The following CHL1 variants were observed in gnomAD, a reference collection of about 807,000 sequenced individuals.
The protein encoded by CHL1 is neural cell adhesion molecule L1-like protein.
In CHL1, 96 loss-of-function variants were observed where a neutral mutation model predicts 141.9. The ratio of observed to expected loss-of-function variants is 0.68; its 90% CI spans 0.57 to 0.80. CHL1 has a LOEUF of 0.80. Ranked by LOEUF, CHL1 falls within the 30% of genes least tolerant of loss-of-function variation. CHL1 has a pLI of 0.00. For missense variants in CHL1, 1,820 were observed against 1,457.2 expected (o/e 1.25, Z -4.05); for synonymous variants, 613 against 502.2 (o/e 1.22, Z -2.95).
chr3:239,342 C>A (rs1490131254), intron 1 of CHL1, among the ~76,000 whole-genome samples: 1 of 152,124 alleles, frequency 6.6e-6, no homozygotes, highest in Non-Finnish European at 1.5e-5. Context: ...TTCTAAAAGG[C>A]TACTTGATTA....
intron 2 of CHL1, among the ~76,000 whole-genome samples, chr3:305,880 T>A (rs1312615969): frequency 6.6e-6 from 1 of 151,946 alleles, no homozygotes; most frequent in Non-Finnish European, 1.5e-5. Flanking sequence ...AACAAATTAA[T>A]TAAAAATGGT....
intron 15 of CHL1, among the ~76,000 whole-genome samples, chr3:373,015 C>T (rs985294498): frequency 2.0e-5 from 3 of 152,176 alleles, no homozygotes; most frequent in Non-Finnish European, 1.5e-5. Flanking sequence ...GGTCACCAAC[C>T]TGTTGGCAGT....
At chr3:205,663 G>T (rs6765116) in intron 1 of CHL1, among the ~76,000 whole-genome samples, 1 of 151,910 alleles carries the variant, frequency 6.6e-6, no homozygotes, top group East Asian at 1.9e-4. Flanking sequence ...GTGTGTGCGC[G>T]CGCACGTGTA....
At chr3:205,501 T>C (rs1699350565) in intron 1 of CHL1, among the ~76,000 whole-genome samples, 1 of 152,230 alleles carries the variant, frequency 6.6e-6, no homozygotes, top group African/African-American at 2.4e-5. Flanking sequence ...CCGTATAAAC[T>C]GAGAGCTGTC....
chr3:340,735 T>C, intron 5 of CHL1, 59 bp from the exon 6 acceptor site: 1 of 1,351,438 alleles, frequency 7.4e-7, no homozygotes, highest in South Asian at 1.3e-5. Flanking sequence ...ATTAAGATAT[T>C]TGTTGTTATA....
chr3:218,226 G>A (rs2124954861), intron 1 of CHL1, among the ~76,000 whole-genome samples: 1 of 152,320 alleles, frequency 6.6e-6, no homozygotes, highest in African/African-American at 2.4e-5. Context: ...TGGATTGGAT[G>A]AGGGTGTGCT....
intron 15 of CHL1, among the ~76,000 whole-genome samples, chr3:368,580 G>C (rs183106558): frequency 6.6e-6 from 1 of 152,284 alleles, no homozygotes; most frequent in Non-Finnish European, 1.5e-5. Context: ...TTGCTGTGCA[G>C]AAGTGCTTTA....
chr3:391,620 C>CT (rs1708234427), intron 22 of CHL1, 55 bp from the exon 23 acceptor site: 2 of 1,326,732 alleles, frequency 1.5e-6, no homozygotes, highest in Non-Finnish European at 2.1e-6. Flanking sequence ...TATAATAAGG[C>CT]TTTTTTGAAT....
chr3:396,413 A>C (rs900872931), intron 24 of CHL1, among the ~76,000 whole-genome samples: 2 of 152,196 alleles, frequency 1.3e-5, no homozygotes, highest in African/African-American at 2.4e-5. Context: ...TGCATGTGAA[A>C]TGCTGATCCC....
chr3:252,867 A>G (rs1306090340), intron 2 of CHL1, among the ~76,000 whole-genome samples: 9 of 152,092 alleles, frequency 5.9e-5, no homozygotes, highest in Admixed American at 5.9e-4. Flanking sequence ...TGAATGTCCA[A>G]TTATCATGCT....
chr3:377,389 T>C (rs1324139250), intron 15 of CHL1, among the ~76,000 whole-genome samples: 3 of 152,158 alleles, frequency 2.0e-5, no homozygotes, highest in Non-Finnish European at 4.4e-5. Context: ...GGTATTCTGG[T>C]TCTGTGGAAT....
chr3:267,994 G>A (rs955797054), intron 2 of CHL1, among the ~76,000 whole-genome samples: 1 of 152,072 alleles, frequency 6.6e-6, no homozygotes, highest in Non-Finnish European at 1.5e-5. Context: ...GAAAAACCAT[G>A]CTTTGGTTTC....
At position 406,594 on chromosome 3, in the gene CHL1, A is replaced by G. The variant is rs1357224781; in HGVS notation, c.*883A>G. The G allele has an allele frequency of 6.6e-6, 1 of 152,118 alleles. No individual in the cohort carries two copies. Among genetic ancestry groups the G allele is most frequent in the Non-Finnish European group, 1.5e-5 (1 of 68,022 alleles). 9.4% of individuals were successfully genotyped at this position (152,118 alleles called of 1,614,324 possible). On this transcript the variant is annotated 3_prime_UTR_variant, in exon 28 of 28. Transcript: ENST00000256509. Reference sequence around the variant, plus strand: ...ATAATGGTATGCTTGCATATATTTCATGAATACATTGTACATATTATGTTA... The same window carrying G: ...ATAATGGTATGCTTGCATATATTTCGTGAATACATTGTACATATTATGTTA...
chr3:400,795 G>A (rs1485392037), intron 26 of CHL1, among the ~76,000 whole-genome samples: 1 of 150,696 alleles, frequency 6.6e-6, no homozygotes, highest in Non-Finnish European at 1.5e-5. Context: ...GAGTGAGACT[G>A]TCTCAAAAAA....
chr3:242,582 T>C (rs908064089), intron 1 of CHL1, among the ~76,000 whole-genome samples: 27 of 148,262 alleles, frequency 1.8e-4, no homozygotes, highest in East Asian at 5.9e-4. Context: ...GGTAACAGAG[T>C]GGGACTCCAT....
intron 13 of CHL1, among the ~76,000 whole-genome samples, chr3:362,598 A>G (rs919050344): frequency 2.0e-5 from 3 of 150,412 alleles, no homozygotes; most frequent in Non-Finnish European, 4.4e-5. Context: ...ATGATCCTAC[A>G]TGGACCGCAT....
intron 19 of CHL1, among the ~76,000 whole-genome samples, chr3:388,550 G>GAAAAAAAAAAAAAA (rs11319131): frequency 7.2e-6 from 1 of 138,608 alleles, no homozygotes; most frequent in African/African-American, 2.9e-5. Context: ...TCCGTCTCAA[G>GAAAAAAAAAAAAAA]AAAAAAAAAA....
chr3:217,840 T>A (rs1700456137), intron 1 of CHL1: 1 of 152,220 alleles, frequency 6.6e-6, no homozygotes, highest in African/African-American at 2.4e-5. Context: ...TATATTTATA[T>A]ATACAAACAA....
chr3:241,324 T>C (rs887065751), intron 1 of CHL1, among the ~76,000 whole-genome samples: 26 of 152,210 alleles, frequency 1.7e-4, no homozygotes, highest in Non-Finnish European at 7.3e-5. Context: ...CCATTTCTCT[T>C]GCTGAGCATC....
Sources: allele counts gnomAD v4.1 joint callset (sites outside exome capture counted in the v4.1 genomes callset), GRCh38; gene constraint gnomAD v4.1.1; transcripts MANE v1.5; gene names NCBI Gene and HGNC (gene_info 2026-07-23, HGNC 2026-07-21).